TRRAP: variants seen among roughly 807,000 people sequenced by gnomAD.
TRRAP encodes transformation/transcription domain associated protein.
A neutral mutation model predicts 438.8 loss-of-function variants in TRRAP; 41 were observed. The observed-to-expected ratio is 0.09, with a 90% confidence interval of 0.07 to 0.12. TRRAP has a LOEUF of 0.12. TRRAP is among the 10% of genes least tolerant of loss of function. TRRAP has a pLI of 1.00. For synonymous variants in TRRAP, 1,994 were observed against 1,962.9 expected (o/e 1.02, Z -0.42); for missense variants, 3,122 against 5,055.1 (o/e 0.62, Z 11.60).
intron 13 of TRRAP, 85 bp downstream of exon 13, chr7:98,906,340 A>G (rs1796726098): frequency 1.8e-6 from 2 of 1,099,606 alleles, no homozygotes; most frequent in Non-Finnish European, 2.7e-6. Flanking sequence ...TGTTTCAATG[A>G]ACACCGGCTG....
At chr7:98,916,505 C>T (rs1462686049) in intron 19 of TRRAP, among the ~76,000 whole-genome samples, 2 of 152,188 alleles carry the variant, frequency 1.3e-5, no homozygotes, top group Admixed American at 1.3e-4. Context: ...ATTGACCCTT[C>T]TCATGTATTT....
chr7:98,907,829 C>T (rs549545000), intron 13 of TRRAP, among the ~76,000 whole-genome samples: 1 of 149,312 alleles, frequency 6.7e-6, no homozygotes, highest in African/African-American at 2.5e-5. Flanking sequence ...CTGGCCCCTA[C>T]AGCTCCCCTC....
At chr7:99,004,449 C>A in intron 68 of TRRAP, 34 bp downstream of exon 68, 1 of 1,589,774 alleles carries the variant, frequency 6.3e-7, no homozygotes. Context: ...GGAACTAACC[C>A]ACGGCGCCCA....
intron 52 of TRRAP, among the ~76,000 whole-genome samples, chr7:98,970,756 G>A (rs1007345768): frequency 1.3e-5 from 2 of 152,296 alleles, no homozygotes; most frequent in Non-Finnish European, 1.5e-5. Context: ...ATTACAGAAA[G>A]CGCTGCCTGG....
chr7:98,936,104 TGCAAAGTGTAG>T (rs375247460), intron 28 of TRRAP, among the ~76,000 whole-genome samples: 2 of 152,224 alleles, frequency 1.3e-5, no homozygotes, highest in South Asian at 2.1e-4. Context: ...ACAGGAATGA[TGCAAAGTGTAG>T]GAAAATAGAC....
At chr7:98,981,678 G>A in intron 58 of TRRAP, 91 bp from the exon 59 acceptor site, 1 of 1,395,306 alleles carries the variant, frequency 7.2e-7, no homozygotes, top group South Asian at 1.4e-5. Flanking sequence ...CATACCTAGT[G>A]ACCAAAAAAA....
intron 12 of TRRAP, among the ~76,000 whole-genome samples, chr7:98,904,706 G>A (rs963689884): frequency 2.0e-5 from 3 of 151,948 alleles, no homozygotes; most frequent in Non-Finnish European, 2.9e-5. Context: ...TTAAAACTCC[G>A]TTTACTAGTT....
chr7:98,917,707 G>A (rs1789572322), intron 20 of TRRAP, 28 bp downstream of exon 20: 1 of 1,605,024 alleles, frequency 6.2e-7, no homozygotes, highest in East Asian at 2.2e-5. Context: ...TTGTTAGCTG[G>A]CTGCTTCCCT....
At chr7:98,995,875 CATCATACACACCCCT>C (rs1174187575) in intron 67 of TRRAP, among the ~76,000 whole-genome samples, 6 of 116,524 alleles carry the variant, frequency 5.1e-5, no homozygotes, top group African/African-American at 4.8e-4. Flanking sequence ...ACGCATGTCC[CATCATACACACCCCT>C]GTCCCATCTA....
intron 27 of TRRAP, among the ~76,000 whole-genome samples, chr7:98,934,739 T>C (rs1364730028): frequency 6.6e-6 from 1 of 152,190 alleles, no homozygotes; most frequent in Admixed American, 6.5e-5. Flanking sequence ...TTTTGTTTTG[T>C]AGTTGACTTC....
At chr7:98,891,881 A>G (rs1395068991) in intron 4 of TRRAP, among the ~76,000 whole-genome samples, 2 of 152,178 alleles carry the variant, frequency 1.3e-5, no homozygotes, top group East Asian at 1.9e-4. Context: ...ACGTTCCCAT[A>G]ATACCAGCTT....
At chr7:99,003,386 G>A (rs779971924) in intron 67 of TRRAP, among the ~76,000 whole-genome samples, 17 of 152,250 alleles carry the variant, frequency 1.1e-4, no homozygotes, top group Non-Finnish European at 1.5e-4. Context: ...GGTCGTTTCC[G>A]TTGCCTTAGG....
Position 98,970,774 on chromosome 7 carries a change from C to T in TRRAP, c.7692+483C>T, listed in dbSNP as rs187004765. Among the ~76,000 whole-genome samples the T allele has an allele frequency of 1.1e-3, 165 of 152,278 alleles. 1 individual carries two copies. Among genetic ancestry groups the T allele is most frequent in the Admixed American group, 0.011 (163 of 15,296 alleles). On this transcript the variant is annotated intron_variant, in intron 52 of 72. Coordinates refer to ENST00000456197, the MANE Select transcript of TRRAP (RefSeq NM_001375524.1). ...ACAGAAAGCGCTGCCTGGGGGAATG[C>T]TGCCTGCCACACAGGGGCTGGGGCT...
At chr7:98,889,700 G>A (rs1302046722) in intron 3 of TRRAP, among the ~76,000 whole-genome samples, 1 of 151,900 alleles carries the variant, frequency 6.6e-6, no homozygotes, top group Non-Finnish European at 1.5e-5. Flanking sequence ...GCATAGGCAC[G>A]TGCCACAATG....
At chr7:98,985,323 C>A (rs554849027) in intron 62 of TRRAP, among the ~76,000 whole-genome samples, 1 of 152,208 alleles carries the variant, frequency 6.6e-6, no homozygotes, top group Non-Finnish European at 1.5e-5. Flanking sequence ...TTCCTCAGTC[C>A]GCCATTTACA....
intron 1 of TRRAP, among the ~76,000 whole-genome samples, chr7:98,880,229 C>G (rs1795357890): frequency 1.3e-5 from 2 of 150,316 alleles, no homozygotes; most frequent in Non-Finnish European, 2.9e-5. Flanking sequence ...TTGCCCCAAT[C>G]CAGCCTGCTG....
rs1444264428 is a variant in TRRAP, at chr7:98,993,656, A to G, written c.9966A>G (p.Arg3322=). 1.2e-5 allele frequency: 19 copies of G among 1,614,120 alleles called. No homozygotes were observed. The highest frequency in any genetic ancestry group is 1.6e-5 in the Non-Finnish European group (19 of 1,180,050). ...GCAGCCGAATCATGCACATGCAGCG[A>G]GAGCTCCACCCCACCCTTCTGTCTT... ...WRCSRIMHMQ[R]ELHPTLLSSL... The change falls in exon 66 of 73, where the codon CGA becomes CGG. Residue 3322 remains arginine (R), a synonymous_variant. Coordinates refer to ENST00000456197, the MANE Select transcript of TRRAP (RefSeq NM_001375524.1).
At position 98,988,898 on chromosome 7, in the gene TRRAP, G is replaced by A. The variant is rs1562973421; in HGVS notation, c.9523G>A (p.Ala3175Thr). Residue 3175 changes from alanine to threonine, a missense_variant, in exon 63 of 73, where the codon GCC becomes ACC. This residue lies in a region of TRRAP where 52 missense variants were observed against 88.3 expected (regional missense o/e 0.59). Coordinates refer to ENST00000456197, the MANE Select transcript of TRRAP (RefSeq NM_001375524.1). ...KERQLHLGVS[A>T]ITCYLHACRH... ...GCGGCAGCTGCACCTGGGCGTGTCT[G>A]CCATCACCTGCTACCTGCACGCCTG... The A allele has an allele frequency of 6.2e-7, 1 of 1,614,146 alleles. No individual in the cohort carries two copies.
intron 30 of TRRAP, among the ~76,000 whole-genome samples, 182 bp downstream of exon 30, chr7:98,938,002 C>G (rs868918788): frequency 4.7e-4 from 71 of 152,196 alleles, no homozygotes; most frequent in African/African-American, 1.4e-3. Flanking sequence ...TGGTGAAACC[C>G]CTCTCTACTA....
Sources: allele counts gnomAD v4.1 joint callset (sites outside exome capture counted in the v4.1 genomes callset), GRCh38; gene constraint gnomAD v4.1.1; regional missense constraint gnomAD v4.1.1; transcripts MANE v1.5; gene names NCBI Gene and HGNC (gene_info 2026-07-23, HGNC 2026-07-21).